Variants in THEMIS observed in about 807,000 individuals in gnomAD.
THEMIS encodes the protein thymocyte selection associated.
In THEMIS, 37 loss-of-function variants were observed where a neutral mutation model predicts 52.6. The ratio of observed to expected loss-of-function variants is 0.70; its 90% confidence interval spans 0.54 to 0.93. The LOEUF (loss-of-function observed/expected upper bound fraction) is 0.93, where lower values mean the gene tolerates loss of function less well. Ranked by LOEUF, THEMIS falls within the 40% of genes least tolerant of loss-of-function variation. The pLI, the probability that THEMIS is intolerant of heterozygous loss-of-function variation, is 0.00. For missense variants in THEMIS, 808 were observed against 763.1 expected (o/e 1.06, Z -0.69); for synonymous variants, 292 against 272.7 (o/e 1.07, Z -0.70).
intron 3 of THEMIS, among the ~76,000 whole-genome samples, chr6:127,822,392 T>TG (rs1475835248): frequency 2.6e-5 from 4 of 152,098 alleles, no homozygotes; most frequent in Non-Finnish European, 5.9e-5. Flanking sequence ...GGTTCTCCTC[T>TG]GGTTCATCTG....
At chr6:127,826,840 T>C (rs1027621573) in intron 3 of THEMIS, among the ~76,000 whole-genome samples, 2 of 152,134 alleles carry the variant, frequency 1.3e-5, no homozygotes, top group Non-Finnish European at 2.9e-5. Flanking sequence ...GATAATTTTT[T>C]CTAAATCATT....
At chr6:127,910,105 GA>G (rs966716997) in intron 1 of THEMIS, 1 of 152,090 alleles carries the variant, frequency 6.6e-6, no homozygotes, top group African/African-American at 2.4e-5. Flanking sequence ...TCACTTTATA[GA>G]AAAATAATAG....
chr6:127,829,983 T>G (rs778587175), intron 2 of THEMIS, 49 bp from the exon 3 acceptor site: 1 of 1,399,118 alleles, frequency 7.1e-7, no homozygotes, highest in East Asian at 2.3e-5. Context: ...ACAATGAAAG[T>G]TCTCACAAGA....
intron 4 of THEMIS, among the ~76,000 whole-genome samples, chr6:127,760,043 A>C (rs1239466818): frequency 6.6e-6 from 1 of 151,282 alleles, no homozygotes; most frequent in Admixed American, 6.6e-5. Flanking sequence ...ATTCATTTTG[A>C]GTCAATATTG....
At chr6:127,906,992 A>T (rs144539617) in intron 1 of THEMIS, among the ~76,000 whole-genome samples, 1 of 151,950 alleles carries the variant, frequency 6.6e-6, no homozygotes, top group African/African-American at 2.4e-5. Context: ...AAGCTTCAGC[A>T]GTAGAGGCTT....
At chr6:127,843,744 G>T (rs1779125519) in intron 2 of THEMIS, among the ~76,000 whole-genome samples, 1 of 151,872 alleles carries the variant, frequency 6.6e-6, no homozygotes, top group Admixed American at 6.6e-5. Context: ...GTGATGGTAT[G>T]TCACTTCTGA....
intron 4 of THEMIS, among the ~76,000 whole-genome samples, chr6:127,776,825 T>C (rs79950004): frequency 2.3e-3 from 343 of 152,358 alleles, no homozygotes; most frequent in Non-Finnish European, 4.2e-3. Context: ...TAGGTTTTTA[T>C]TTCATGTATC....
chr6:127,777,962 T>C (rs1252974995), intron 4 of THEMIS, among the ~76,000 whole-genome samples: 2 of 152,146 alleles, frequency 1.3e-5, no homozygotes, highest in Admixed American at 6.5e-5. Flanking sequence ...ATTGTAGGAA[T>C]GCTGTTCTAC....
Position 127,829,749 on chromosome 6 carries a change from C to T in THEMIS, c.436G>A (p.Gly146Arg), listed in dbSNP as rs1480589130. Residue 146 changes from glycine to arginine, a missense_variant, in exon 3 of 6, where the codon GGA (glycine) becomes AGA (arginine). Gly to Arg is a moderately radical substitution (Grantham distance 125). Coordinates refer to ENST00000368248, the MANE Select transcript of THEMIS (RefSeq NM_001010923.3). ...IMLNSVEEID[G>R]EIMVSCAVAR... ...ACTGCACAGCTCACCATTATTTCTC[C>T]ATCAATCTCTTCAACTGAGTTGAGC... is the stretch of plus-strand genomic sequence containing the variant. 9 of 1,614,088 alleles carry T rather than the reference C, an allele frequency of 5.6e-6. No individual in the cohort carries two copies. Among genetic ancestry groups the T allele is most frequent in the African/African-American group, 1.3e-5 (1 of 75,042 alleles).
At chr6:127,712,068 C>A (rs531761568) in intron 5 of THEMIS, among the ~76,000 whole-genome samples, 5 of 151,934 alleles carry the variant, frequency 3.3e-5, no homozygotes, top group Admixed American at 6.6e-5. Flanking sequence ...CCATTGCCAT[C>A]TCAGAGTCAC....
intron 4 of THEMIS, among the ~76,000 whole-genome samples, chr6:127,745,995 A>G (rs1450938313): frequency 2.0e-5 from 3 of 151,856 alleles, no homozygotes; most frequent in Non-Finnish European, 2.9e-5. Context: ...GATTATTCAT[A>G]CTACTAGAAT....
intron 1 of THEMIS, among the ~76,000 whole-genome samples, chr6:127,878,543 A>G (rs559162106): frequency 6.6e-6 from 1 of 152,316 alleles, no homozygotes; most frequent in African/African-American, 2.4e-5. Context: ...AGAGACTGAT[A>G]GCTATCATCT....
intron 1 of THEMIS, among the ~76,000 whole-genome samples, chr6:127,855,893 G>C (rs1779602825): frequency 6.6e-6 from 1 of 151,896 alleles, no homozygotes; most frequent in Non-Finnish European, 1.5e-5. Context: ...CTGATGGAAG[G>C]ACAGTGAGGA....
chr6:127,865,217 AC>A (rs1037305816), intron 1 of THEMIS, among the ~76,000 whole-genome samples: 15 of 152,176 alleles, frequency 9.9e-5, no homozygotes, highest in African/African-American at 3.1e-4. Flanking sequence ...AACTAAAAAA[AC>A]AGACATCCAC....
chr6:127,815,203 G>T (rs1050946527), intron 3 of THEMIS, among the ~76,000 whole-genome samples: 4 of 151,756 alleles, frequency 2.6e-5, no homozygotes, highest in Non-Finnish European at 5.9e-5. Flanking sequence ...TATTAACAGG[G>T]TATTATAATA....
chr6:127,911,801 A>G (rs1781418043), intron 1 of THEMIS, among the ~76,000 whole-genome samples: 1 of 151,442 alleles, frequency 6.6e-6, no homozygotes, highest in Non-Finnish European at 1.5e-5. Context: ...GAACTTTGCT[A>G]GGGCAGTGCA....
At chr6:127,736,433 A>T (rs1391966823) in intron 4 of THEMIS, among the ~76,000 whole-genome samples, 3 of 152,152 alleles carry the variant, frequency 2.0e-5, no homozygotes, top group African/African-American at 7.2e-5. Flanking sequence ...TAGGGAATAA[A>T]ATTGATAATA....
chr6:127,730,351 GAAGAA>G lies in THEMIS; in HGVS notation c.1759-10533_1759-10529del, dbSNP rs1364040199. Among the ~76,000 whole-genome samples the G allele has an allele frequency of 5.5e-5, 7 of 127,218 alleles. 1 individual carries two copies. The highest frequency in any genetic ancestry group is 2.5e-4 in the Admixed American group (3 of 12,104). 83.5% of individuals were successfully genotyped at this position (127,218 alleles called of 152,430 possible). ...GAAAAGAAAAGAAAAGAAGAGAAGA[GAAGAA>G]AAGAGAAGACAAGAGAAGAGAAAGA... On this transcript the variant is annotated intron_variant, in intron 4 of 5. Transcript: ENST00000368248.
intron 4 of THEMIS, among the ~76,000 whole-genome samples, chr6:127,800,452 TA>T (rs1777494246): frequency 6.6e-6 from 1 of 152,220 alleles, no homozygotes; most frequent in Non-Finnish European, 1.5e-5. Context: ...AGACCCATGG[TA>T]AACATCATAC....
Sources: allele counts gnomAD v4.1 joint callset (sites outside exome capture counted in the v4.1 genomes callset), GRCh38; gene constraint gnomAD v4.1.1; transcripts MANE v1.5; gene names NCBI Gene and HGNC (gene_info 2026-07-23, HGNC 2026-07-21).